Variants in ADAMTS3 observed in about 807,000 individuals in gnomAD.
ADAMTS3 encodes ADAM metallopeptidase with thrombospondin type 1 motif 3, also known as A disintegrin and metalloproteinase with thrombospondin motifs 3.
A neutral mutation model predicts 129.0 loss-of-function variants in ADAMTS3; 73 were observed. The ratio of observed to expected loss-of-function variants is 0.57; its 90% CI spans 0.47 to 0.69. The LOEUF is 0.69. Among genes scored for constraint, ADAMTS3 ranks in the 30% least tolerant of loss-of-function variants. ADAMTS3 has a pLI of 0.00. For missense variants in ADAMTS3, 1,457 were observed against 1,514.5 expected (o/e 0.96, Z 0.63); for synonymous variants, 477 against 510.8 (o/e 0.93, Z 0.89).
chr4:72,424,894 TTTC>T (rs909192851), intron 3 of ADAMTS3, among the ~76,000 whole-genome samples: 1 of 152,160 alleles, frequency 6.6e-6, no homozygotes, highest in Non-Finnish European at 1.5e-5. Context: ...GAGGTTATTT[TTTC>T]TTCTTTTATT....
intron 3 of ADAMTS3, among the ~76,000 whole-genome samples, chr4:72,495,792 C>T (rs573591093): frequency 1.3e-5 from 2 of 152,228 alleles, no homozygotes; most frequent in East Asian, 3.9e-4. Flanking sequence ...TGGAAAAGGA[C>T]ACTTTTTGGA....
At position 72,364,538 on chromosome 4, in the gene ADAMTS3, C is replaced by T. The variant is rs555361466; in HGVS notation, c.662-24845G>A. Among the ~76,000 whole-genome samples the T allele has an allele frequency of 2.4e-3, 359 of 151,544 alleles. 3 individuals carry two copies. The Middle Eastern group carries it at 0.024, about 10-fold the overall frequency. On this transcript the variant is annotated intron_variant, in intron 4 of 21. Transcript: ENST00000286657. ...GCTGAGGCAGGAGAATCACTTGAAC[C>T]GGGAGATGGAGGTTGCAGTGAGCAG...
At chr4:72,391,702 A>C (rs1037318468) in intron 4 of ADAMTS3, among the ~76,000 whole-genome samples, 2 of 152,180 alleles carry the variant, frequency 1.3e-5, no homozygotes, top group African/African-American at 4.8e-5. Context: ...ACCTTCCTGA[A>C]AGGAAGCAGG....
chr4:72,455,879 CTA>C lies in ADAMTS3; in HGVS notation c.505-40910_505-40909del, dbSNP rs1313090402. Among the ~76,000 whole-genome samples, 128 of 106,210 alleles carry C rather than the reference CTA, an allele frequency of 1.2e-3. 3 individuals are homozygous for C. The highest frequency in any genetic ancestry group is 4.6e-3 in the African/African-American group (117 of 25,300). The allele number at this position is 106,210 out of a possible 152,430, so 69.7% of individuals were successfully genotyped here. On this transcript the variant is annotated intron_variant, in intron 3 of 21. Transcript: ENST00000286657. ...ATATATAGTATATACACTGTATATA[CTA>C]TATATATTTTATATATAGTATATAC...
At chr4:72,521,713 C>A (rs1720680577) in intron 3 of ADAMTS3, among the ~76,000 whole-genome samples, 1 of 152,054 alleles carries the variant, frequency 6.6e-6, no homozygotes, top group South Asian at 2.1e-4. Context: ...ATGTTAAATT[C>A]TGTCTTTGTC....
chr4:72,400,385 T>C (rs1721882119), intron 4 of ADAMTS3, among the ~76,000 whole-genome samples: 1 of 134,116 alleles, frequency 7.5e-6, no homozygotes, highest in African/African-American at 2.8e-5. Flanking sequence ...TGTGTATATA[T>C]ACGTGTGCAT....
intron 3 of ADAMTS3, among the ~76,000 whole-genome samples, chr4:72,530,475 A>AATATATAAATATATAAATAT (rs1334957984): frequency 1.2e-5 from 1 of 81,632 alleles, no homozygotes; most frequent in Non-Finnish European, 2.1e-5. Context: ...ATATTAATTT[A>AATATATAAATATATAAATAT]ATATATAAAT....
rs1719464368 is a variant in ADAMTS3, at chr4:72,318,665, A to G, written c.1392T>C (p.Asp464=). The change falls in exon 10 of 22, where the codon GAT becomes GAC. Residue 464 remains aspartate (D), a synonymous_variant. Coordinates refer to ENST00000286657, the MANE Select transcript of ADAMTS3 (RefSeq NM_014243.3). ...DCLLDDPFDH[D]WPKLPELPGI... ...CAGGAAGTTCTGGGAGTTTAGGCCA[A>G]TCATGATCAAAAGGGTCATCAAGGA... The G allele has an allele frequency of 6.2e-7, 1 of 1,613,740 alleles. No homozygotes were observed. Among genetic ancestry groups the G allele is most frequent in the Non-Finnish European group, 8.5e-7 (1 of 1,179,858 alleles).
chr4:72,304,078 T>G lies in ADAMTS3; in HGVS notation c.2263A>C (p.Ile755Leu). The G allele has an allele frequency of 6.2e-7, 1 of 1,613,058 alleles. No homozygotes were observed. The highest frequency in any genetic ancestry group is 8.5e-7 in the Non-Finnish European group (1 of 1,179,432). ...EDEASPHILA[I>L]KNQATGHYIL... ...TAATGGCCTGTAGCCTGGTTCTTAA[T>G]AGCTAAAGGGAGAAAAATGAGTAAC... Residue 755 changes from isoleucine to leucine, a missense_variant and splice_region_variant, in exon 17 of 22, where the codon ATT (isoleucine) becomes CTT (leucine). By Grantham distance (5) the Ile-to-Leu change is conservative. Transcript: ENST00000286657.
intron 3 of ADAMTS3, among the ~76,000 whole-genome samples, chr4:72,446,800 G>A (rs1330370544): frequency 6.6e-6 from 1 of 151,582 alleles, no homozygotes; most frequent in African/African-American, 2.4e-5. Context: ...TTGGATAGAA[G>A]GTTGAACTAG....
chr4:72,546,344 G>A (rs1220445825), intron 3 of ADAMTS3, among the ~76,000 whole-genome samples: 1 of 152,092 alleles, frequency 6.6e-6, no homozygotes, highest in Non-Finnish European at 1.5e-5. Flanking sequence ...GGACAAGTCA[G>A]GAGGGAGAGT....
chr4:72,530,094 T>TATAATATATTATA (rs1720958673), intron 3 of ADAMTS3, among the ~76,000 whole-genome samples: 1 of 41,956 alleles, frequency 2.4e-5, no homozygotes, highest in Non-Finnish European at 3.8e-5. Flanking sequence ...ATATATAATA[T>TATAATATATTATA]GTTATATATA....
chr4:72,291,116 C>T, intron 19 of ADAMTS3, 54 bp from the exon 20 acceptor site: 1 of 1,576,964 alleles, frequency 6.3e-7, no homozygotes, highest in Non-Finnish European at 8.7e-7. Context: ...ATAGTGTACA[C>T]ATTTCTACCT....
chr4:72,528,672 T>G (rs1222381445), intron 3 of ADAMTS3, among the ~76,000 whole-genome samples: 1 of 152,086 alleles, frequency 6.6e-6, no homozygotes. Flanking sequence ...TATAAAATCT[T>G]AGGTACCTCA....
intron 4 of ADAMTS3, among the ~76,000 whole-genome samples, chr4:72,359,267 T>A (rs1578612493): frequency 6.6e-6 from 1 of 152,044 alleles, no homozygotes; most frequent in African/African-American, 2.4e-5. Flanking sequence ...TTGCAAAATG[T>A]CCTTGATTAG....
chr4:72,291,279 T>C (rs973469910), intron 19 of ADAMTS3, among the ~76,000 whole-genome samples: 4 of 152,092 alleles, frequency 2.6e-5, no homozygotes, highest in African/African-American at 9.7e-5. Context: ...ACTTTAAGTT[T>C]TAGGGTACAT....
At chr4:72,462,680 G>T (rs1194730937) in intron 3 of ADAMTS3, among the ~76,000 whole-genome samples, 1 of 151,706 alleles carries the variant, frequency 6.6e-6, no homozygotes, top group Admixed American at 6.6e-5. Context: ...GTGTATGTTC[G>T]TGTTTTAGTT....
rs139381042 is a variant in ADAMTS3, at chr4:72,368,701, G to A, written c.662-29008C>T. ...AAGGACCAGTGATTGATGCCAAAATGACTTCAGAACAAGCCTAGAAACACA... is the reference window on the plus strand; with the variant it reads ...AAGGACCAGTGATTGATGCCAAAATAACTTCAGAACAAGCCTAGAAACACA... On this transcript the variant is annotated intron_variant, in intron 4 of 21. Coordinates refer to ENST00000286657, the MANE Select transcript of ADAMTS3 (RefSeq NM_014243.3). Among the ~76,000 whole-genome samples the A allele has an allele frequency of 9.2e-4, 140 of 152,256 alleles. 1 individual carries two copies. The highest frequency in any genetic ancestry group is 3.1e-3 in the African/African-American group (128 of 41,562).
At chr4:72,455,853 T>A (rs1454308571) in intron 3 of ADAMTS3, among the ~76,000 whole-genome samples, 2 of 119,080 alleles carry the variant, frequency 1.7e-5, no homozygotes, top group African/African-American at 3.7e-5. Context: ...CTATATATTT[T>A]ATATATAGTA....
Sources: allele counts gnomAD v4.1 joint callset (sites outside exome capture counted in the v4.1 genomes callset), GRCh38; gene constraint gnomAD v4.1.1; transcripts MANE v1.5; gene names NCBI Gene and HGNC (gene_info 2026-07-23, HGNC 2026-07-21).